The following TOP1MT variants were observed in gnomAD, a reference collection of about 807,000 sequenced individuals.
The protein encoded by TOP1MT is DNA topoisomerase I mitochondrial.
TOP1MT carries 80 observed loss-of-function variants against 73.9 expected under a neutral mutation model. The ratio of observed to expected loss-of-function variants is 1.08; its 90% CI spans 0.90 to 1.30. The LOEUF is 1.30. TOP1MT is among the 50% of genes most tolerant of loss of function. The probability of loss-of-function intolerance (pLI) is 0.00; values close to 1 mark genes in which losing one functional copy is unlikely to be tolerated. For synonymous variants in TOP1MT, 338 were observed against 326.4 expected (o/e 1.04, Z -0.38); for missense variants, 815 against 808.0 (o/e 1.01, Z -0.10).
chr8:143,324,343 G>C (rs896170470), intron 6 of TOP1MT, 142 bp downstream of exon 6: 2 of 1,380,254 alleles, frequency 1.4e-6, no homozygotes, highest in Non-Finnish European at 2.0e-6. Flanking sequence ...GTGCCTGCTG[G>C]CACAGCATGA....
upstream of TOP1MT, among the ~76,000 whole-genome samples, chr8:143,337,543 CA>C (rs1302637549): frequency 6.6e-6 from 1 of 152,124 alleles, no homozygotes; most frequent in African/African-American, 2.4e-5. Flanking sequence ...CCAGAATAGC[CA>C]AAACAATGTT....
At position 143,322,969 on chromosome 8, in the gene TOP1MT, ACACG is replaced by A. The variant is rs1163618480; in HGVS notation, c.960+1026_960+1029del. 2.6e-3 allele frequency among the ~76,000 whole-genome samples: 200 copies of A among 77,266 alleles called. 2 individuals are homozygous for A. The highest frequency in any genetic ancestry group is 4.5e-3 in the Non-Finnish European group (162 of 35,752). 50.7% of individuals were successfully genotyped at this position (77,266 alleles called of 152,430 possible). On this transcript the variant is annotated intron_variant, in intron 7 of 13. Coordinates refer to ENST00000329245, the MANE Select transcript of TOP1MT (RefSeq NM_052963.3). ...CACACACGCCACACACGCACGCCAC[ACACG>A]CACGCACGCCACACACGCACGCCAC...
rs1435659710 is a variant in TOP1MT, at chr8:143,331,130, A to C, written c.238+94T>G. 4 of 951,958 alleles carry C rather than the reference A, an allele frequency of 4.2e-6. No homozygotes were observed. The African/African-American group carries it at 4.9e-5, about 12-fold the overall frequency. The allele number at this position is 951,958 out of a possible 1,614,324, so 59.0% of individuals were successfully genotyped here. ...AGAGCGCTCATAGCCAGAAGCCTGC[A>C]GGGGGGCTGAGGGAGCGAGCCAGAT... On this transcript the variant is annotated intron_variant, in intron 2 of 13. Coordinates refer to ENST00000329245, the MANE Select transcript of TOP1MT (RefSeq NM_052963.3).
At chr8:143,315,859 A>G (rs13275896) in intron 11 of TOP1MT, 38 bp from the exon 12 acceptor site, 914,190 of 1,607,070 alleles carry the variant, frequency 0.57, 265,421 homozygotes, top group East Asian at 0.78. Flanking sequence ...GCCCCTCCCC[A>G]TCCCGCACCA....
chr8:143,337,220 G>A (rs965818303), upstream of TOP1MT, among the ~76,000 whole-genome samples: 1 of 152,070 alleles, frequency 6.6e-6, no homozygotes, highest in African/African-American at 2.4e-5. Flanking sequence ...AGGTCAGATC[G>A]AGACCATCCT....
At position 143,341,806 on chromosome 8, in the gene TOP1MT, T is replaced by C. The variant is rs116509158; in HGVS notation, c.29+1414A>G. The stretch of plus-strand genomic sequence containing the variant: ...GCACTATCCCGACACCACTGCCCCA[T>C]CTAGTGCTTCCTTCTTCCTTCTTCT... On this transcript the variant is annotated intron_variant, in intron 2 of 5. Coordinates refer to the TOP1MT transcript ENST00000518007. The surrounding 1 kb of genome is among the most constrained non-coding windows in gnomAD (Gnocchi z 4.1). Among the ~76,000 whole-genome samples the C allele has an allele frequency of 0.022, 3,303 of 152,112 alleles. 104 individuals carry two copies. Among genetic ancestry groups the C allele is most frequent in the African/African-American group, 0.075 (3,098 of 41,448 alleles).
intron 7 of TOP1MT, among the ~76,000 whole-genome samples, 199 bp downstream of exon 7, chr8:143,323,798 GCA>G (rs1318021981): frequency 6.6e-6 from 1 of 150,536 alleles, no homozygotes; most frequent in East Asian, 2.0e-4. Context: ...ACGCACAAGT[GCA>G]CACACACCAC....
rs540500364 is a variant in TOP1MT, at chr8:143,331,245, C to T, written c.217G>A (p.Gly73Arg). 122 of 1,609,034 alleles carry T rather than the reference C, an allele frequency of 7.6e-5. No homozygotes were observed. In the Admixed American group the frequency reaches 1.4e-3, roughly 18 times the overall value. ...TTACCTTCATAGAAGAAACGCACTC[C>T]GTCGGGAAGGGGCTCGTATGGGGGT... ...FAPPYEPLPD[G>R]VRFFYEGRPV... The change falls in exon 2 of 14, where the codon GGA becomes AGA. Residue 73 changes from glycine to arginine, a missense_variant. Gly to Arg is a moderately radical substitution (Grantham distance 125). Coordinates refer to ENST00000329245, the MANE Select transcript of TOP1MT (RefSeq NM_052963.3).
intron 1 of TOP1MT, 73 bp downstream of exon 1, chr8:143,334,667 G>C: frequency 1.3e-6 from 2 of 1,571,030 alleles, no homozygotes; most frequent in East Asian, 2.5e-5. Flanking sequence ...CACGAGGCCT[G>C]CCACTCCCCT....
intron 12 of TOP1MT, among the ~76,000 whole-genome samples, chr8:143,315,000 A>G (rs1302678366): frequency 2.0e-5 from 3 of 152,188 alleles, no homozygotes; most frequent in Admixed American, 2.0e-4. Context: ...GTCTAGCGGT[A>G]ACGCCAGCGT....
At chr8:143,321,084 C>T in intron 8 of TOP1MT, 117 bp downstream of exon 8, 1 of 1,103,200 alleles carries the variant, frequency 9.1e-7, no homozygotes, top group Non-Finnish European at 1.3e-6. Flanking sequence ...CAGGCCTCAC[C>T]CAGCAGGCAG....
At chr8:143,311,991 A>G (rs984026077) in intron 12 of TOP1MT, among the ~76,000 whole-genome samples, 2 of 152,184 alleles carry the variant, frequency 1.3e-5, no homozygotes, top group African/African-American at 2.4e-5. Flanking sequence ...CGTCTCCCAA[A>G]GAAAAGCCCA....
chr8:143,359,150 A>G (rs1315879255), upstream of TOP1MT: 6 of 896,072 alleles, frequency 6.7e-6, no homozygotes, highest in Non-Finnish European at 8.0e-6. Context: ...CCTTAAGTAG[A>G]CTATTTTGAA....
At chr8:143,321,917 C>T in intron 7 of TOP1MT, among the ~76,000 whole-genome samples, 1 of 91,568 alleles carries the variant, frequency 1.1e-5, no homozygotes, top group Non-Finnish European at 2.2e-5. Flanking sequence ...CACAGGCACG[C>T]CACACACATG....
intron 12 of TOP1MT, among the ~76,000 whole-genome samples, chr8:143,313,335 G>A (rs929513492): frequency 1.3e-5 from 2 of 151,988 alleles, no homozygotes; most frequent in Non-Finnish European, 2.9e-5. Flanking sequence ...TGGATCACCC[G>A]AGGTCAGGAG....
chr8:143,317,679 G>T (rs1490090397), intron 10 of TOP1MT, 44 bp downstream of exon 10: 3 of 1,441,332 alleles, frequency 2.1e-6, no homozygotes, highest in Non-Finnish European at 2.8e-6. Flanking sequence ...TGGGGCAGGG[G>T]CCGTGCTCCC....
rs774161309 is a variant in TOP1MT, at chr8:143,324,005, G to A, written c.954C>T (p.Ile318=). 20 of 1,613,588 alleles carry A rather than the reference G, an allele frequency of 1.2e-5. No homozygotes were observed. Among genetic ancestry groups the A allele is most frequent in the South Asian group, 3.3e-5 (3 of 91,078 alleles). Residue 318 remains isoleucine, a synonymous_variant, in exon 7 of 14, where the codon ATC becomes ATT. Coordinates refer to ENST00000329245, the MANE Select transcript of TOP1MT (RefSeq NM_052963.3). ...AAGCGAGAAGGCCGCATACCTTATC[G>A]ATGAAATACAGGGCCACCGCCCGCT... ...TRQRAVALYF[I]DKLALRAGNE...
Position 143,323,686 on chromosome 8 carries a change from CACGCCACACACACAGGCACACCACACACA to C in TOP1MT, c.960+284_960+312del, listed in dbSNP as rs1323155089. Among the ~76,000 whole-genome samples, 34 of 68,286 alleles carry C rather than the reference CACGCCACACACACAGGCACACCACACACA, an allele frequency of 5.0e-4. 8 individuals are homozygous for C. The highest frequency in any genetic ancestry group is 2.0e-3 in the Admixed American group (10 of 5,088). 44.8% of individuals were successfully genotyped at this position (68,286 alleles called of 152,430 possible). On this transcript the variant is annotated intron_variant, in intron 7 of 13. Transcript: ENST00000329245. ...ACCACACACGCACGCCACACACATG[CACGCCACACACACAGGCACACCACACACA>C]TGCACGCCACACACACATGCACGCC...
At chr8:143,328,354 G>C (rs1816759067) in intron 3 of TOP1MT, 1 of 437,634 alleles carries the variant, frequency 2.3e-6, no homozygotes, top group African/African-American at 2.0e-5. Flanking sequence ...CGATAAATGA[G>C]CGAGGAATAC....
Sources: gnomAD v4.1 joint callset for allele counts (sites outside exome capture counted in the v4.1 genomes callset) on GRCh38, gnomAD v4.1.1 for gene constraint, Gnocchi (gnomAD v3.1) non-coding constraint, MANE v1.5 for transcripts, NCBI Gene and HGNC (gene_info 2026-07-23, HGNC 2026-07-21) for gene names.